NLGN1: variants seen among roughly 807,000 people sequenced by gnomAD.
NLGN1 encodes the protein neuroligin 1.
A neutral mutation model predicts 65.5 loss-of-function variants in NLGN1; 12 were observed. That is an observed-to-expected ratio of 0.18 (90% confidence interval 0.12 to 0.30). The LOEUF (loss-of-function observed/expected upper bound fraction) is 0.30. NLGN1 is among the 10% of genes least tolerant of loss of function. NLGN1 has a pLI of 1.00. For synonymous variants in NLGN1, 350 were observed against 359.5 expected, an observed-to-expected ratio of 0.97 and a Z score of 0.30; for missense variants, 750 against 1,007.1, an observed-to-expected ratio of 0.74 and a Z score of 3.46.
chr3:173,947,269 G>A (rs763442558), intron 4 of NLGN1, among the ~76,000 whole-genome samples: 4 of 151,836 alleles, frequency 2.6e-5, no homozygotes, highest in Non-Finnish European at 4.4e-5. Context: ...TGATCTGCCC[G>A]CTTCAGCCTC....
intron 2 of NLGN1, among the ~76,000 whole-genome samples, chr3:173,488,643 GT>G (rs1576933369): frequency 6.6e-6 from 1 of 151,952 alleles, no homozygotes; most frequent in East Asian, 1.9e-4. Flanking sequence ...GAGAAATCTG[GT>G]ATTGTGTTCT....
chr3:174,148,552 C>G (rs1723766963), intron 4 of NLGN1, among the ~76,000 whole-genome samples: 1 of 152,126 alleles, frequency 6.6e-6, no homozygotes, highest in Admixed American at 6.5e-5. Context: ...AATTAATACT[C>G]AGCAGCATAA....
intron 3 of NLGN1, among the ~76,000 whole-genome samples, chr3:173,776,247 A>G (rs767409051): frequency 6.6e-6 from 1 of 152,060 alleles, no homozygotes; most frequent in Non-Finnish European, 1.5e-5. Flanking sequence ...ACCACCTATC[A>G]TCTGCAAACT....
At chr3:173,531,131 T>C (rs965499228) in intron 2 of NLGN1, among the ~76,000 whole-genome samples, 4 of 152,132 alleles carry the variant, frequency 2.6e-5, no homozygotes, top group Admixed American at 6.5e-5. Context: ...TAAACTAACA[T>C]GCACTCCATA....
intron 3 of NLGN1, among the ~76,000 whole-genome samples, chr3:173,786,321 T>C (rs1781950744): frequency 6.6e-6 from 1 of 152,150 alleles, no homozygotes. Context: ...TTTCTTTCCT[T>C]CTTTTTTTTA....
At chr3:174,294,287 G>T in the NLGN1 span, among the ~76,000 whole-genome samples, 1 of 151,342 alleles carries the variant, frequency 6.6e-6, no homozygotes, top group Non-Finnish European at 1.5e-5. Flanking sequence ...CCTTTACTTT[G>T]TATATTTTTT....
chr3:174,078,610 T>C (rs1741499874), intron 4 of NLGN1, among the ~76,000 whole-genome samples: 1 of 152,222 alleles, frequency 6.6e-6, no homozygotes. Flanking sequence ...ATGTAAATCC[T>C]AAATCATTAT....
chr3:173,793,738 A>G (rs953124465), intron 3 of NLGN1, among the ~76,000 whole-genome samples: 2 of 152,134 alleles, frequency 1.3e-5, no homozygotes, highest in South Asian at 2.1e-4. Flanking sequence ...TTTCACTTCC[A>G]TAAAGCAATT....
At chr3:173,715,897 AT>A (rs1467047560) in intron 3 of NLGN1, among the ~76,000 whole-genome samples, 3 of 148,690 alleles carry the variant, frequency 2.0e-5, no homozygotes, top group Admixed American at 6.8e-5. Context: ...GAAAAAAAAA[AT>A]TTCATTATTT....
intron 4 of NLGN1, among the ~76,000 whole-genome samples, chr3:173,904,379 T>G (rs963077018): frequency 1.3e-5 from 2 of 152,154 alleles, no homozygotes; most frequent in Non-Finnish European, 2.9e-5. Flanking sequence ...ATCTCTAGGA[T>G]CAAGGGGTTA....
At chr3:173,998,634 T>C (rs1238597889) in intron 4 of NLGN1, among the ~76,000 whole-genome samples, 2 of 152,208 alleles carry the variant, frequency 1.3e-5, no homozygotes, top group Non-Finnish European at 2.9e-5. Context: ...GTGTTAAGAA[T>C]TAAGTCTACT....
intron 1 of NLGN1, among the ~76,000 whole-genome samples, chr3:173,399,391 C>G (rs762334915): frequency 1.3e-5 from 2 of 152,198 alleles, no homozygotes; most frequent in African/African-American, 2.4e-5. Flanking sequence ...CATTGTCTCC[C>G]TTCTTCCACC....
intron 4 of NLGN1, among the ~76,000 whole-genome samples, chr3:173,820,459 T>G (rs1180345191): frequency 6.6e-6 from 1 of 152,174 alleles, no homozygotes; most frequent in Non-Finnish European, 1.5e-5. Context: ...CTTTTTGAAT[T>G]AAAATGCAGT....
At chr3:173,606,276 A>G (rs1268615038) in intron 3 of NLGN1, among the ~76,000 whole-genome samples, 6 of 152,090 alleles carry the variant, frequency 3.9e-5, no homozygotes, top group African/African-American at 1.4e-4. Flanking sequence ...AGCTACAATT[A>G]AATCAACCTT....
chr3:173,972,869 G>A (rs1716584801), intron 4 of NLGN1, among the ~76,000 whole-genome samples: 1 of 152,098 alleles, frequency 6.6e-6, no homozygotes, highest in African/African-American at 2.4e-5. Context: ...CAGACTTCCT[G>A]AATCAGAAAC....
chr3:173,639,115 T>C (rs1418953264), intron 3 of NLGN1, among the ~76,000 whole-genome samples: 1 of 152,226 alleles, frequency 6.6e-6, no homozygotes, highest in Non-Finnish European at 1.5e-5. Context: ...GTTAGAATTT[T>C]ATTTCACTAT....
At chr3:173,704,880 T>G (rs1767807368) in intron 3 of NLGN1, among the ~76,000 whole-genome samples, 1 of 152,168 alleles carries the variant, frequency 6.6e-6, no homozygotes, top group South Asian at 2.1e-4. Flanking sequence ...TAACAGTGTT[T>G]TATCCTCTCT....
intron 4 of NLGN1, among the ~76,000 whole-genome samples, chr3:174,273,443 TTAAAC>T (rs1452433152): frequency 1.3e-5 from 2 of 151,674 alleles, no homozygotes; most frequent in African/African-American, 4.8e-5. Flanking sequence ...TTTCAGAAGT[TTAAAC>T]TAATGACTCT....
chr3:173,791,766 A>G (rs184389126), intron 3 of NLGN1, among the ~76,000 whole-genome samples: 1 of 152,180 alleles, frequency 6.6e-6, no homozygotes, highest in East Asian at 1.9e-4. Context: ...GGAGCTAACC[A>G]GACTGGGTGA....
Sources: allele counts gnomAD v4.1 joint callset (sites outside exome capture counted in the v4.1 genomes callset), GRCh38; gene constraint gnomAD v4.1.1; transcripts MANE v1.5; gene names NCBI Gene and HGNC (gene_info 2026-07-23, HGNC 2026-07-21).